Variants in MILR1 observed in about 807,000 individuals in gnomAD.
MILR1 encodes the protein allergin-1.
Under a neutral mutation model 18.5 loss-of-function variants are expected in MILR1, and 31 were observed. The observed-to-expected ratio is 1.68, with a 90% confidence interval of 1.26 to 2.26. The LOEUF is 2.26. Among genes scored for constraint, MILR1 ranks in the 30% most tolerant of loss-of-function variants. The pLI, the probability that MILR1 is intolerant of heterozygous loss-of-function variation, is 0.00. For missense variants in MILR1, 257 were observed against 157.4 expected, an observed-to-expected ratio of 1.63 and a Z score of -3.38; for synonymous variants, 85 against 56.2, an observed-to-expected ratio of 1.51 and a Z score of -2.30.
Position 64,468,305 on chromosome 17 carries a change from TTG to T in MILR1, c.*29-4_*29-3del, listed in dbSNP as rs2037627047. On this transcript the variant is annotated splice_region_variant and splice_polypyrimidine_tract_variant and intron_variant, in intron 9 of 9. Coordinates refer to ENST00000619286, the MANE Select transcript of MILR1 (RefSeq NM_001085423.2). Reference sequence around the variant, plus strand: ...CTCTCTTGTCTCTCTCTTTTTTTTTTTGAGATGGAGTCTCACTCTGTTGCCCA... The same window carrying T: ...CTCTCTTGTCTCTCTCTTTTTTTTTTAGATGGAGTCTCACTCTGTTGCCCA... 1 of 455,684 alleles carries T rather than the reference TTG, an allele frequency of 2.2e-6. No homozygotes were observed. The highest frequency in any genetic ancestry group is 7.0e-5 in the East Asian group (1 of 14,380). 28.2% of individuals were successfully genotyped at this position (455,684 alleles called of 1,614,324 possible).
chr17:64,497,065 G>A, the MILR1 span: 2 of 1,273,764 alleles, frequency 1.6e-6, no homozygotes, highest in South Asian at 2.4e-5. Flanking sequence ...CACGGCGCAG[G>A]CGCAACGGAG....
In MILR1 at chr17:64,464,116, A is replaced by ATTT. The variant is rs1182677616; in HGVS notation, c.764-1315_764-1313dup. 2.0e-4 allele frequency among the ~76,000 whole-genome samples: 20 copies of ATTT among 100,850 alleles called. 1 individual carries two copies. The highest frequency in any genetic ancestry group is 3.6e-4 in the African/African-American group (9 of 25,060). The allele number at this position is 100,850 out of a possible 152,430, so 66.2% of individuals were successfully genotyped here. A position where few individuals can be genotyped will look rare whatever the true frequency, so the allele number is the denominator to read the frequency against. On this transcript the variant is annotated intron_variant, in intron 5 of 9. Coordinates refer to ENST00000619286, the MANE Select transcript of MILR1 (RefSeq NM_001085423.2). ...GGGCTGGTGAGCCACCGCGCCTGAC[A>ATTT]TTTTTTTTTTTTTTTTTTTTTTTGA...
chr17:64,460,665 A>C (rs1438892340), intron 4 of MILR1, among the ~76,000 whole-genome samples, 157 bp from the exon 5 acceptor site: 2 of 152,274 alleles, frequency 1.3e-5, no homozygotes, highest in African/African-American at 4.8e-5. Flanking sequence ...ATTGACTAAT[A>C]AGTCCCGTGA....
the MILR1 span, among the ~76,000 whole-genome samples, chr17:64,489,378 G>C: frequency 1.3e-5 from 2 of 150,834 alleles, no homozygotes; most frequent in Non-Finnish European, 3.0e-5. Flanking sequence ...AAAAAAAAGG[G>C]AAGGGGAAAA....
the MILR1 span, among the ~76,000 whole-genome samples, chr17:64,494,712 G>A: frequency 6.6e-6 from 1 of 152,126 alleles, no homozygotes. Flanking sequence ...GATGTGGCCA[G>A]TGACAACCCT....
Position 64,467,935 on chromosome 17 carries a change from C to CAAA in MILR1, c.*28+312_*28+314dup, listed in dbSNP as rs112297771. Reference sequence around the variant, plus strand: ...GGGCGACAAGAGCAAGACTTCATCTCAAAAAAAAAAAAAAAAAAAAAAAAG... The same window carrying CAAA: ...GGGCGACAAGAGCAAGACTTCATCTCAAAAAAAAAAAAAAAAAAAAAAAAAAAG... On this transcript the variant is annotated intron_variant, in intron 9 of 9. Coordinates refer to ENST00000619286, the MANE Select transcript of MILR1 (RefSeq NM_001085423.2). 810 of 158,414 alleles carry CAAA rather than the reference C, an allele frequency of 5.1e-3. 1 individual carries two copies. Among genetic ancestry groups the CAAA allele is most frequent in the Admixed American group, 7.3e-3 (70 of 9,576 alleles). 9.8% of individuals were successfully genotyped at this position (158,414 alleles called of 1,614,324 possible).
chr17:64,461,659 C>T lies in MILR1; in HGVS notation c.763+727C>T, dbSNP rs891765197. On this transcript the variant is annotated intron_variant, in intron 5 of 9. Transcript: ENST00000619286. ...CTTTAACCTGCTTAAATGCATAGTT[C>T]GGTGGCATTAAGCACGTTCCCATTG... Among the ~76,000 whole-genome samples, 1,104 of 152,246 alleles carry T rather than the reference C, an allele frequency of 7.3e-3. 15 individuals carry two copies. Among genetic ancestry groups the T allele is most frequent in the African/African-American group, 0.025 (1,029 of 41,538 alleles).
the MILR1 span, chr17:64,480,240 T>C: frequency 1.2e-5 from 9 of 730,734 alleles, no homozygotes; most frequent in Admixed American, 4.5e-5. Context: ...ATAAACATAA[T>C]CAAAAACTCT....
chr17:64,491,844 A>G, the MILR1 span: 16 of 402,538 alleles, frequency 4.0e-5, no homozygotes, highest in Middle Eastern at 7.4e-4. Flanking sequence ...CCCCTCCATA[A>G]GCAACACAAT....
intron 9 of MILR1, among the ~76,000 whole-genome samples, chr17:64,468,092 C>T (rs563617448): frequency 2.0e-5 from 3 of 152,036 alleles, no homozygotes; most frequent in South Asian, 4.2e-4. Flanking sequence ...ATGTTTTAGT[C>T]CCCTAGGGCT....
the MILR1 span, chr17:64,491,488 CA>C: frequency 7.4e-7 from 1 of 1,356,436 alleles, no homozygotes. Context: ...CCAGCCCGGG[CA>C]AAAGAGTGAG....
intron 3 of MILR1, among the ~76,000 whole-genome samples, chr17:64,456,994 T>C (rs1327356789): frequency 6.6e-6 from 1 of 152,118 alleles, no homozygotes; most frequent in Non-Finnish European, 1.5e-5. Context: ...CTGGCCAACA[T>C]GGTAAGGCCC....
At chr17:64,485,585 C>A in the MILR1 span, 1 of 713,348 alleles carries the variant, frequency 1.4e-6, no homozygotes, top group Non-Finnish European at 2.4e-6. Flanking sequence ...TGGCCAGATT[C>A]TAAAAAAACT....
chr17:64,457,842 G>C (rs118202231), intron 4 of MILR1, among the ~76,000 whole-genome samples, 158 bp downstream of exon 4: 7 of 152,258 alleles, frequency 4.6e-5, no homozygotes, highest in African/African-American at 1.7e-4. Context: ...AAACTAGGTC[G>C]TGTGCAGTGG....
At chr17:64,482,918 CCTGT>C in the MILR1 span, 1 of 1,516,552 alleles carries the variant, frequency 6.6e-7, no homozygotes, top group Non-Finnish European at 9.2e-7. Context: ...ATTTAACTCA[CCTGT>C]CTTAGTTCCA....
the MILR1 span, chr17:64,492,634 T>C: frequency 8.0e-7 from 1 of 1,249,968 alleles, no homozygotes; most frequent in Non-Finnish European, 1.2e-6. Flanking sequence ...ATTTATGTAT[T>C]AACTATTAAA....
chr17:64,455,977 G>A (rs2037290482), intron 3 of MILR1, among the ~76,000 whole-genome samples: 1 of 152,028 alleles, frequency 6.6e-6, no homozygotes, highest in African/African-American at 2.4e-5. Flanking sequence ...GGAGGTAGAG[G>A]TTGCAATGAG....
intron 5 of MILR1, among the ~76,000 whole-genome samples, chr17:64,463,513 T>C (rs2037478153): frequency 6.6e-6 from 1 of 152,122 alleles, no homozygotes; most frequent in South Asian, 2.1e-4. Flanking sequence ...TGTTCTGAGT[T>C]GTGGAATGGG....
intron 3 of MILR1, among the ~76,000 whole-genome samples, chr17:64,456,794 C>T (rs1009065597): frequency 3.9e-5 from 6 of 152,068 alleles, no homozygotes; most frequent in East Asian, 1.9e-4. Context: ...AGAGCAAAAC[C>T]CTGTCTCTGA....
Sources: allele counts gnomAD v4.1 joint callset (sites outside exome capture counted in the v4.1 genomes callset), GRCh38; gene constraint gnomAD v4.1.1; transcripts MANE v1.5; gene names NCBI Gene and HGNC (gene_info 2026-07-23, HGNC 2026-07-21).